Variants in DLGAP1 observed in about 807,000 individuals in gnomAD.
DLGAP1 encodes DLG associated protein 1, also known as disks large-associated protein 1.
DLGAP1 carries 11 observed loss-of-function variants against 90.8 expected under a neutral mutation model. The ratio of observed to expected loss-of-function variants is 0.12; its 90% CI spans 0.08 to 0.20. The LOEUF (loss-of-function observed/expected upper bound fraction) is 0.20, where lower values mean the gene tolerates loss of function less well. DLGAP1 is among the 10% of genes least tolerant of loss of function. The pLI, the probability that DLGAP1 is intolerant of heterozygous loss-of-function variation, is 1.00. For synonymous variants in DLGAP1, 558 were observed against 540.7 expected (o/e 1.03, Z -0.44); for missense variants, 1,050 against 1,333.8 (o/e 0.79, Z 3.31).
At position 4,344,080 on chromosome 18, in the gene DLGAP1, C is replaced by T. The variant is rs551122862; in HGVS notation, c.-267+110926G>A. Among the ~76,000 whole-genome samples, 49 of 152,178 alleles carry T rather than the reference C, an allele frequency of 3.2e-4. 2 individuals carry two copies. The South Asian group carries it at 9.4e-3, about 29-fold the overall frequency. On this transcript the variant is annotated intron_variant, in intron 1 of 12. Transcript: ENST00000315677. ...TTATTTAAAATTCTATAAAGTGTCC[C>T]GTTTCAAATTCCACAATTTAAAGAC...
At chr18:4,043,211 G>C (rs77542822) in intron 2 of DLGAP1, among the ~76,000 whole-genome samples, 1 of 152,098 alleles carries the variant, frequency 6.6e-6, no homozygotes, top group African/African-American at 2.4e-5. Flanking sequence ...ACTCAGTATA[G>C]GCAAAACAAT....
chr18:4,324,476 C>CA (rs546235888), intron 1 of DLGAP1, among the ~76,000 whole-genome samples: 163 of 151,832 alleles, frequency 1.1e-3, no homozygotes, highest in African/African-American at 3.7e-3. Flanking sequence ...AAAACTATTC[C>CA]AAAAAATTGA....
At chr18:4,107,917 T>C (rs1323608985) in intron 2 of DLGAP1, among the ~76,000 whole-genome samples, 1 of 152,236 alleles carries the variant, frequency 6.6e-6, no homozygotes, top group African/African-American at 2.4e-5. Flanking sequence ...TTTGTTTATT[T>C]ACTCTAAGAA....
intron 1 of DLGAP1, chr18:4,294,072 T>C (rs2079916559): frequency 6.6e-6 from 1 of 152,138 alleles, no homozygotes; most frequent in African/African-American, 2.4e-5. Flanking sequence ...TTTTGGGACA[T>C]AACCTTTGTT....
chr18:4,256,901 GAGA>G (rs2078898715), intron 1 of DLGAP1, among the ~76,000 whole-genome samples: 1 of 152,166 alleles, frequency 6.6e-6, no homozygotes, highest in Non-Finnish European at 1.5e-5. Context: ...TGGAAAGGAG[GAGA>G]AGGACCATAA....
At chr18:3,508,308 G>A (rs1165750216) in intron 11 of DLGAP1, among the ~76,000 whole-genome samples, 1 of 152,138 alleles carries the variant, frequency 6.6e-6, no homozygotes, top group Non-Finnish European at 1.5e-5. Flanking sequence ...CAGGAAAATG[G>A]AAAATTTTCA....
Position 4,340,410 on chromosome 18 carries a change from T to C in DLGAP1, c.-267+114596A>G, listed in dbSNP as rs561516526. On this transcript the variant is annotated intron_variant, in intron 1 of 12. Transcript: ENST00000315677. ...AAAACTTAGAATTTATTTCTGGAAT[T>C]TTCCATTTCATATTTTCAGACTGCG... is the stretch of plus-strand genomic sequence containing the variant. 6.6e-5 allele frequency among the ~76,000 whole-genome samples: 10 copies of C among 152,342 alleles called. No homozygotes were observed. In the East Asian group the frequency reaches 1.9e-3, roughly 29 times the overall value.
In DLGAP1 at chr18:3,677,165, C is replaced by CCA. The variant is rs200374129; in HGVS notation, c.1591+51968_1591+51969dup. On this transcript the variant is annotated intron_variant, in intron 7 of 12. Transcript: ENST00000315677. ...TCCCCAGCTTCAAGACTCTTTATCT[C>CCA]CAGTTCCTCAACCACCAGTTGAGGA... 7.2e-5 allele frequency among the ~76,000 whole-genome samples: 11 copies of CCA among 152,326 alleles called. No homozygotes were observed. In the East Asian group the frequency reaches 2.1e-3, roughly 29 times the overall value.
intron 7 of DLGAP1, among the ~76,000 whole-genome samples, chr18:3,600,749 T>TATAG (rs1568277692): frequency 7.7e-5 from 1 of 12,932 alleles, no homozygotes; most frequent in African/African-American, 3.3e-4. Flanking sequence ...GATATATAGA[T>TATAG]ATATATAGAT....
intron 1 of DLGAP1, among the ~76,000 whole-genome samples, chr18:4,203,527 C>T (rs144428538): frequency 8.5e-4 from 129 of 152,254 alleles, no homozygotes; most frequent in African/African-American, 2.7e-3. Context: ...TGGGCTTCTA[C>T]TTTGACACAT....
chr18:3,523,629 CGAGGT>C, intron 10 of DLGAP1, among the ~76,000 whole-genome samples: 1 of 151,800 alleles, frequency 6.6e-6, no homozygotes, highest in East Asian at 2.0e-4. Flanking sequence ...GGGCGGATCA[CGAGGT>C]CAGGAGATCG....
chr18:4,354,130 CAA>C (rs1482735548), intron 1 of DLGAP1, among the ~76,000 whole-genome samples: 4 of 152,168 alleles, frequency 2.6e-5, no homozygotes, highest in African/African-American at 9.7e-5. Context: ...GAAGGGGCCT[CAA>C]AAGCAAAGCC....
intron 3 of DLGAP1, among the ~76,000 whole-genome samples, chr18:3,891,511 A>C (rs914216586): frequency 3.9e-5 from 6 of 152,130 alleles, no homozygotes; most frequent in African/African-American, 1.2e-4. Flanking sequence ...CAGCTGCCCT[A>C]AGCCCTCAAG....
chr18:4,038,324 A>G (rs1364672682), intron 2 of DLGAP1, among the ~76,000 whole-genome samples: 1 of 152,216 alleles, frequency 6.6e-6, no homozygotes, highest in Non-Finnish European at 1.5e-5. Flanking sequence ...CCACATTCAT[A>G]TGCATTCAGA....
intron 11 of DLGAP1, among the ~76,000 whole-genome samples, chr18:3,504,727 T>A (rs968668377): frequency 1.3e-5 from 2 of 152,208 alleles, no homozygotes; most frequent in African/African-American, 4.8e-5. Context: ...GGGCAACTCG[T>A]TCCCTTCTCA....
At chr18:3,911,919 C>G (rs1402168588) in intron 3 of DLGAP1, among the ~76,000 whole-genome samples, 1 of 152,190 alleles carries the variant, frequency 6.6e-6, no homozygotes, top group Non-Finnish European at 1.5e-5. Context: ...AGTTGGTTAT[C>G]AAAGTGGGTC....
At chr18:3,623,615 A>G (rs1009000900) in intron 7 of DLGAP1, among the ~76,000 whole-genome samples, 2 of 151,826 alleles carry the variant, frequency 1.3e-5, no homozygotes, top group Non-Finnish European at 2.9e-5. Flanking sequence ...TGTCTCTACT[A>G]AAAATACAAA....
chr18:3,616,597 A>C (rs963698179), intron 7 of DLGAP1, among the ~76,000 whole-genome samples: 10 of 148,992 alleles, frequency 6.7e-5, no homozygotes, highest in African/African-American at 2.3e-4. Flanking sequence ...AAAACAAAAA[A>C]AAAAAAAATT....
chr18:4,396,730 T>C (rs2082450528), intron 1 of DLGAP1, among the ~76,000 whole-genome samples: 1 of 152,110 alleles, frequency 6.6e-6, no homozygotes, highest in African/African-American at 2.4e-5. Flanking sequence ...CTATATCTTT[T>C]TACCACGTGA....
Sources: gnomAD v4.1 joint callset for allele counts (sites outside exome capture counted in the v4.1 genomes callset) on GRCh38, gnomAD v4.1.1 for gene constraint, MANE v1.5 for transcripts, NCBI Gene and HGNC (gene_info 2026-07-23, HGNC 2026-07-21) for gene names.